FAR2: variants seen among roughly 807,000 people sequenced by gnomAD.
FAR2 encodes the protein fatty acyl-CoA reductase 2.
Under a neutral mutation model 56.0 loss-of-function variants are expected in FAR2, and 19 were observed. The observed-to-expected ratio is 0.34, with a 90% CI of 0.24 to 0.50. The LOEUF (loss-of-function observed/expected upper bound fraction) is 0.50. Among genes scored for constraint, FAR2 ranks in the 20% least tolerant of loss-of-function variants. The pLI is 0.98. For synonymous variants in FAR2, 219 were observed against 218.8 expected (o/e 1.00, Z -0.01); for missense variants, 508 against 642.2 (o/e 0.79, Z 2.26).
At chr12:29,205,923 A>G (rs958615611) in intron 1 of FAR2, among the ~76,000 whole-genome samples, 2 of 152,152 alleles carry the variant, frequency 1.3e-5, no homozygotes, top group Admixed American at 6.5e-5. Flanking sequence ...TTTTAAAAAA[A>G]CCAATCCCTC....
chr12:29,210,143 T>C (rs1179678156), intron 1 of FAR2, among the ~76,000 whole-genome samples: 2 of 152,110 alleles, frequency 1.3e-5, no homozygotes, highest in African/African-American at 2.4e-5. Flanking sequence ...CGGAGGTCAA[T>C]GCTACAGAGC....
chr12:29,323,783 C>G (rs1313870409), intron 10 of FAR2, among the ~76,000 whole-genome samples: 1 of 152,100 alleles, frequency 6.6e-6, no homozygotes, highest in Non-Finnish European at 1.5e-5. Flanking sequence ...TAGATAAAAC[C>G]ACAAAGATGG....
At chr12:29,225,604 G>A (rs1259201852) in intron 1 of FAR2, among the ~76,000 whole-genome samples, 1 of 152,122 alleles carries the variant, frequency 6.6e-6, no homozygotes, top group Non-Finnish European at 1.5e-5. Context: ...TCTAGTCAGA[G>A]TACACCTCAA....
chr12:29,163,141 T>C (rs1015611384), intron 1 of FAR2, among the ~76,000 whole-genome samples: 2 of 152,176 alleles, frequency 1.3e-5, no homozygotes, highest in African/African-American at 2.4e-5. Context: ...CACTGAAGGA[T>C]AGGACAGGAT....
chr12:29,210,503 G>T (rs1187421043), intron 1 of FAR2, among the ~76,000 whole-genome samples: 8 of 152,180 alleles, frequency 5.3e-5, no homozygotes, highest in African/African-American at 1.9e-4. Context: ...TGGCCTTATT[G>T]TATGTAAAAA....
rs575255884 is a variant in FAR2, at chr12:29,208,608, G to A, written c.-39+59201G>A. Among the ~76,000 whole-genome samples the A allele has an allele frequency of 2.5e-4, 38 of 152,188 alleles. No individual in the cohort carries two copies. In the East Asian group the frequency reaches 6.4e-3, roughly 26 times the overall value. Reference sequence around the variant, plus strand: ...GTAATTCTGCGTTATTCAGGTATCAGGAAGTGTTTATTAAAACTCTGGTCT... The same window carrying A: ...GTAATTCTGCGTTATTCAGGTATCAAGAAGTGTTTATTAAAACTCTGGTCT... On this transcript the variant is annotated intron_variant, in intron 1 of 11. Coordinates refer to ENST00000536681, the MANE Select transcript of FAR2 (RefSeq NM_001271783.2).
chr12:29,259,010 T>C (rs1334835103), intron 1 of FAR2, among the ~76,000 whole-genome samples: 1 of 152,230 alleles, frequency 6.6e-6, no homozygotes, highest in Non-Finnish European at 1.5e-5. Flanking sequence ...TATGAATGAT[T>C]TATCATAAAG....
chr12:29,188,390 C>T (rs1950064895), intron 1 of FAR2, among the ~76,000 whole-genome samples: 1 of 152,134 alleles, frequency 6.6e-6, no homozygotes, highest in African/African-American at 2.4e-5. Flanking sequence ...AATTTTCCAA[C>T]TTTTACCCTA....
At chr12:29,322,801 T>C (rs1233012787) in intron 10 of FAR2, among the ~76,000 whole-genome samples, 3 of 152,296 alleles carry the variant, frequency 2.0e-5, no homozygotes, top group East Asian at 1.9e-4. Context: ...GGAGTAAATA[T>C]CAGATGGCTG....
At chr12:29,297,379 A>G (rs1356935541) in intron 4 of FAR2, among the ~76,000 whole-genome samples, 179 bp downstream of exon 4, 1 of 152,230 alleles carries the variant, frequency 6.6e-6, no homozygotes, top group Non-Finnish European at 1.5e-5. Flanking sequence ...TATACTGCTA[A>G]AAGAGAAGGG....
At chr12:29,327,962 C>G (rs980585574) in intron 10 of FAR2, among the ~76,000 whole-genome samples, 4 of 152,056 alleles carry the variant, frequency 2.6e-5, no homozygotes, top group Non-Finnish European at 5.9e-5. Context: ...TCAGAGTAAA[C>G]AGGCAACCTA....
chr12:29,173,810 G>A (rs1591830896), intron 1 of FAR2, among the ~76,000 whole-genome samples: 1 of 152,064 alleles, frequency 6.6e-6, no homozygotes, highest in South Asian at 2.1e-4. Flanking sequence ...GATCAGAATA[G>A]TTGCACTCAC....
chr12:29,187,449 C>T (rs1335594194), intron 1 of FAR2, among the ~76,000 whole-genome samples: 1 of 152,066 alleles, frequency 6.6e-6, no homozygotes, highest in Admixed American at 6.5e-5. Context: ...ATTTCAGATA[C>T]AAACCTTTTA....
At chr12:29,233,502 C>G (rs1947891056) in intron 1 of FAR2, among the ~76,000 whole-genome samples, 1 of 152,160 alleles carries the variant, frequency 6.6e-6, no homozygotes, top group South Asian at 2.1e-4. Context: ...CTATCCAGAG[C>G]TCCCAGGGAT....
At chr12:29,325,264 C>G (rs993800576) in intron 10 of FAR2, among the ~76,000 whole-genome samples, 24 of 152,180 alleles carry the variant, frequency 1.6e-4, no homozygotes, top group African/African-American at 5.8e-4. Flanking sequence ...CCCTTAGTGA[C>G]CTACAAAGAG....
intron 1 of FAR2, among the ~76,000 whole-genome samples, chr12:29,197,055 C>T (rs569463262): frequency 6.6e-5 from 10 of 152,216 alleles, no homozygotes; most frequent in East Asian, 3.9e-4. Flanking sequence ...TGAGAATTGA[C>T]GAAAATCCTT....
At chr12:29,293,097 G>A in intron 2 of FAR2, 1 of 406,276 alleles carries the variant, frequency 2.5e-6, no homozygotes, top group South Asian at 5.0e-5. Context: ...GAACTCCTGG[G>A]CTCAAGTGAT....
intron 1 of FAR2, among the ~76,000 whole-genome samples, chr12:29,170,614 C>T (rs1949875646): frequency 6.6e-6 from 1 of 151,584 alleles, no homozygotes; most frequent in South Asian, 2.1e-4. Flanking sequence ...TCTGTTTCTT[C>T]CTTTCTCTCT....
chr12:29,185,662 T>C (rs1950034393), intron 1 of FAR2, among the ~76,000 whole-genome samples: 1 of 152,174 alleles, frequency 6.6e-6, no homozygotes, highest in South Asian at 2.1e-4. Flanking sequence ...GGAAAGAATC[T>C]TTGCTATCTC....
Sources: allele counts gnomAD v4.1 joint callset (sites outside exome capture counted in the v4.1 genomes callset), GRCh38; gene constraint gnomAD v4.1.1; transcripts MANE v1.5; gene names NCBI Gene and HGNC (gene_info 2026-07-23, HGNC 2026-07-21).